The following DNAH12 variants were observed in gnomAD, a reference collection of about 807,000 sequenced individuals.
The protein encoded by DNAH12 is dynein axonemal heavy chain 12, also known as axonemal beta dynein heavy chain 12.
DNAH12 carries 285 observed loss-of-function variants against 371.5 expected under a neutral mutation model. The ratio of observed to expected loss-of-function variants is 0.77; its 90% CI spans 0.70 to 0.85. The LOEUF is 0.85. Among genes scored for constraint, DNAH12 ranks in the 40% least tolerant of loss-of-function variants. DNAH12 has a pLI of 0.00. For synonymous variants in DNAH12, 1,200 were observed against 1,213.0 expected, an observed-to-expected ratio of 0.99 and a Z score of 0.22; for missense variants, 3,611 against 3,689.4, an observed-to-expected ratio of 0.98 and a Z score of 0.55.
chr3:57,464,164 G>A (rs2066134096), intron 17 of DNAH12, among the ~76,000 whole-genome samples: 1 of 152,152 alleles, frequency 6.6e-6, no homozygotes, highest in East Asian at 1.9e-4. Flanking sequence ...TAACCCACAG[G>A]AAGCAACGCC....
At chr3:57,551,631 T>A in the DNAH12 span, among the ~76,000 whole-genome samples, 1 of 152,190 alleles carries the variant, frequency 6.6e-6, no homozygotes, top group East Asian at 1.9e-4. Context: ...TTTTAACTCT[T>A]AGTAACCCTA....
At chr3:57,490,685 G>A (rs998437623) in intron 11 of DNAH12, among the ~76,000 whole-genome samples, 3 of 151,904 alleles carry the variant, frequency 2.0e-5, no homozygotes, top group Non-Finnish European at 4.4e-5. Flanking sequence ...TTTTTCTAGA[G>A]TATCTAGGAT....
In DNAH12 at chr3:57,314,505, G is replaced by A. The variant is rs1575437582; in HGVS notation, c.10651C>T (p.Arg3551Ter). The stretch of plus-strand genomic sequence containing the variant: ...CTTGTTAATTTTACCTGCAGTTGTC[G>A]GATACTGATGCGCAAGTCAGATTCA... ...FNESDLRISI[R>*]QLQLFINEYD... is the part of the protein sequence containing the mutation. The change falls in exon 66 of 74, where the codon CGA (arginine) becomes TGA (stop). Residue 3551 changes from arginine to a stop codon, truncating the protein, a stop_gained. Coordinates refer to ENST00000495027, the MANE Select transcript of DNAH12 (RefSeq NM_001366028.2). LOFTEE classifies it high-confidence loss of function. 4 of 1,550,478 alleles carry A rather than the reference G, an allele frequency of 2.6e-6. No homozygotes were observed. The highest frequency in any genetic ancestry group is 3.5e-6 in the Non-Finnish European group (4 of 1,146,696).
intron 10 of DNAH12, among the ~76,000 whole-genome samples, chr3:57,501,862 T>C (rs2067559084): frequency 6.6e-6 from 1 of 152,154 alleles, no homozygotes; most frequent in Non-Finnish European, 1.5e-5. Flanking sequence ...CCTGCTCCAG[T>C]TCATATGCAC....
upstream of DNAH12, among the ~76,000 whole-genome samples, chr3:57,546,746 CT>C (rs149570261): frequency 1.9e-3 from 288 of 152,292 alleles, 9 homozygotes; most frequent in East Asian, 0.049. Context: ...AAACACTAAT[CT>C]AGGGCTGCTG....
At chr3:57,426,794 A>G (rs887729061) in intron 34 of DNAH12, among the ~76,000 whole-genome samples, 1 of 148,746 alleles carries the variant, frequency 6.7e-6, no homozygotes. Context: ...GTGCCACTGC[A>G]CTCCAGCCTG....
At chr3:57,385,198 C>G (rs2063477003) in intron 48 of DNAH12, among the ~76,000 whole-genome samples, 151 bp downstream of exon 48, 1 of 152,106 alleles carries the variant, frequency 6.6e-6, no homozygotes, top group Admixed American at 6.5e-5. Context: ...TCAAAAAAGA[C>G]AGAACCCACG....
chr3:57,338,627 G>C (rs1553654842), intron 60 of DNAH12, among the ~76,000 whole-genome samples: 1 of 148,322 alleles, frequency 6.7e-6, no homozygotes, highest in African/African-American at 2.5e-5. Flanking sequence ...TCTCTGCCTG[G>C]CCGCCCCGTC....
At position 57,533,996 on chromosome 3, in the gene DNAH12, T is replaced by C. The variant is rs1375416641; in HGVS notation, c.170+8705A>G. Among the ~76,000 whole-genome samples, 3 of 152,210 alleles carry C rather than the reference T, an allele frequency of 2.0e-5. No individual in the cohort carries two copies. The East Asian group carries it at 5.8e-4, about 29-fold the overall frequency. On this transcript the variant is annotated intron_variant, in intron 2 of 73. Transcript: ENST00000495027. ...AGTTTATTTAGGGCCCCAGGGTACT[T>C]TAGCACTCCATGATAAGGCTTCCCA...
At position 57,322,378 on chromosome 3, in the gene DNAH12, G is replaced by A; in HGVS notation, c.10489C>T (p.Pro3497Ser). ...CCACGGCATCCCTTGAAAAACTCAG[G>A]ATCAGAAACTGGATCAGTGAGATAT... ...QSYLTDPVSD[P>S]EFFKGCRGKE... The change falls in exon 65 of 74, where the codon CCT (proline) becomes TCT (serine). Residue 3497 changes from proline to serine, a missense_variant. By Grantham distance (74) the Pro-to-Ser change is moderately conservative. Coordinates refer to ENST00000495027, the MANE Select transcript of DNAH12 (RefSeq NM_001366028.2). The A allele has an allele frequency of 6.4e-7, 1 of 1,551,670 alleles. No homozygotes were observed. Among genetic ancestry groups the A allele is most frequent in the Non-Finnish European group, 8.7e-7 (1 of 1,146,970 alleles).
At chr3:57,320,615 A>G (rs1042018669) in intron 65 of DNAH12, among the ~76,000 whole-genome samples, 1 of 131,016 alleles carries the variant, frequency 7.6e-6, no homozygotes, top group African/African-American at 3.2e-5. Context: ...ATGTCTACAA[A>G]CCAGTCACAC....
At chr3:57,451,468 TC>T (rs2065753358) in intron 25 of DNAH12, among the ~76,000 whole-genome samples, 1 of 152,054 alleles carries the variant, frequency 6.6e-6, no homozygotes, top group Admixed American at 6.6e-5. Flanking sequence ...AAACCCCATC[TC>T]TACTAAAAAA....
intron 48 of DNAH12, 130 bp from the exon 49 acceptor site, chr3:57,385,135 G>T (rs1430032311): frequency 6.6e-6 from 1 of 151,894 alleles, no homozygotes; most frequent in East Asian, 1.9e-4. Context: ...ATAATAAAAT[G>T]AGGATATACA....
chr3:57,389,371 A>C (rs2063561796), intron 45 of DNAH12, among the ~76,000 whole-genome samples: 2 of 152,174 alleles, frequency 1.3e-5, no homozygotes, highest in South Asian at 4.1e-4. Flanking sequence ...AACCAGTCTT[A>C]CTGTATCTTC....
At chr3:57,458,977 C>T (rs1418670435) in intron 20 of DNAH12, among the ~76,000 whole-genome samples, 2 of 152,168 alleles carry the variant, frequency 1.3e-5, no homozygotes, top group Non-Finnish European at 2.9e-5. Flanking sequence ...TACTGACTCT[C>T]AGTAAGTCCA....
chr3:57,380,505 G>T (rs915801875), intron 50 of DNAH12, 138 bp from the exon 51 acceptor site: 1 of 152,124 alleles, frequency 6.6e-6, no homozygotes, highest in Non-Finnish European at 1.5e-5. Context: ...ATGGAGTCTC[G>T]CTCTGTCGCC....
In DNAH12 at chr3:57,322,429, C is replaced by A. The variant is rs1483569442; in HGVS notation, c.10438G>T (p.Gly3480Cys). Residue 3480 changes from glycine (G) to cysteine (C), a missense_variant, in exon 65 of 74, where the codon GGT becomes TGT. By Grantham distance (159) the Gly-to-Cys change is radical. Coordinates refer to ENST00000495027, the MANE Select transcript of DNAH12 (RefSeq NM_001366028.2). ...GVKMTNEPPTGLRLNLLQSYL... is the reference protein window; with the variant it reads ...GVKMTNEPPTCLRLNLLQSYL... ...GATTGAAGGAGATTCAGCCGAAGAC[C>A]CGTGGGAGGTTCATTAGTCATTTTT... 3 of 1,552,196 alleles carry A rather than the reference C, an allele frequency of 1.9e-6. No homozygotes were observed. The Admixed American group carries it at 5.9e-5, about 30-fold the overall frequency.
chr3:57,499,774 G>A (rs1163559961), intron 11 of DNAH12, among the ~76,000 whole-genome samples: 2 of 146,584 alleles, frequency 1.4e-5, no homozygotes, highest in Non-Finnish European at 3.0e-5. Flanking sequence ...GGAGGTTAAG[G>A]CTGTAGTGAG....
chr3:57,437,086 T>G, intron 29 of DNAH12, 26 bp from the exon 30 acceptor site: 1 of 1,405,082 alleles, frequency 7.1e-7, no homozygotes, highest in Non-Finnish European at 9.6e-7. Context: ...GTAATGCATT[T>G]CTACAACACA....
Sources: allele counts gnomAD v4.1 joint callset (sites outside exome capture counted in the v4.1 genomes callset), GRCh38; gene constraint gnomAD v4.1.1; transcripts MANE v1.5; gene names NCBI Gene and HGNC (gene_info 2026-07-23, HGNC 2026-07-21).